Variants in DENND4B observed in about 807,000 individuals in gnomAD.
DENND4B encodes the protein DENN domain-containing protein 4B.
A neutral mutation model predicts 161.0 loss-of-function variants in DENND4B; 67 were observed. The observed-to-expected ratio is 0.42, with a 90% confidence interval of 0.34 to 0.51. The LOEUF (loss-of-function observed/expected upper bound fraction) is 0.51. Ranked by LOEUF, DENND4B falls within the 20% of genes least tolerant of loss-of-function variation. The pLI is 0.08. For synonymous variants in DENND4B, 753 were observed against 813.8 expected (o/e 0.93, Z 1.27); for missense variants, 1,481 against 1,968.0 (o/e 0.75, Z 4.68).
At position 153,932,556 on chromosome 1, in the gene DENND4B, A is replaced by C; in HGVS notation, c.3759+86T>G. The stretch of plus-strand genomic sequence containing the variant: ...GATGCCCCTTGCCCTCAAGGGCAAG[A>C]GATGTGCCCATCTCTCCCTGGCACC... On this transcript the variant is annotated intron_variant, in intron 23 of 27. Coordinates refer to ENST00000361217, the MANE Select transcript of DENND4B (RefSeq NM_014856.3). This position sits in a 1 kb window ranked among gnomAD's most constrained non-coding sequence, Gnocchi z 5.8. 6.4e-7 allele frequency: 1 copy of C among 1,565,364 alleles called. No homozygotes were observed. Among genetic ancestry groups the C allele is most frequent in the Non-Finnish European group, 8.7e-7 (1 of 1,154,040 alleles).
intron 1 of DENND4B, chr1:153,945,205 G>A: frequency 7.8e-7 from 1 of 1,286,030 alleles, no homozygotes; most frequent in Non-Finnish European, 1.0e-6. Context: ...TGCAGAAGCT[G>A]GGAAAAAGCC....
Position 153,940,310 on chromosome 1 carries a change from G to T in DENND4B, c.1503-54C>A. The T allele has an allele frequency of 6.4e-7, 1 of 1,565,538 alleles. No homozygotes were observed. Among genetic ancestry groups the T allele is most frequent in the South Asian group, 1.2e-5 (1 of 84,104 alleles). On this transcript the variant is annotated intron_variant, in intron 10 of 27. Transcript: ENST00000361217. This position sits in a 1 kb window ranked among gnomAD's most constrained non-coding sequence, Gnocchi z 5.6. ...GGCGAGGCTCTGGGATAGGGTGACG[G>T]GGTTCCTTGCCAGCCTCCCTCACTT...
rs976202714 is a variant in DENND4B at position 153,932,605 on chromosome 1, A to G, written c.3759+37T>C. 1.9e-6 allele frequency: 3 copies of G among 1,594,646 alleles called. No individual in the cohort carries two copies. The highest frequency in any genetic ancestry group is 2.6e-6 in the Non-Finnish European group (3 of 1,167,836). On this transcript the variant is annotated intron_variant, in intron 23 of 27. Coordinates refer to ENST00000361217, the MANE Select transcript of DENND4B (RefSeq NM_014856.3). This position sits in a 1 kb window ranked among gnomAD's most constrained non-coding sequence, Gnocchi z 5.8. ...CCCCACAGGCCCCACACAGGGCAAC[A>G]TTCCCGTTCCTCATGCCCCTTTGGC...
intron 13 of DENND4B, 36 bp downstream of exon 13, chr1:153,938,863 AG>A (rs1184603509): frequency 6.4e-7 from 1 of 1,558,366 alleles, no homozygotes; most frequent in South Asian, 1.2e-5. Flanking sequence ...TGAGGGAGAC[AG>A]CAGAGGCCAA....
chr1:153,933,652 C>CG lies in DENND4B; in HGVS notation c.3160dup (p.Arg1054ProfsTer27), dbSNP rs780262431. The stretch of plus-strand genomic sequence containing the variant: ...TTGGAGGCGGGCACCCAGCCCTCGT[C>CG]GGGGGGTGCCTGCCTCATCCTGTCG... On this transcript the variant is annotated frameshift_variant, in exon 20 of 28. Transcript: ENST00000361217. LOFTEE classifies it high-confidence loss of function. This position sits in a 1 kb window ranked among gnomAD's most constrained non-coding sequence, Gnocchi z 5.7. The CG allele has an allele frequency of 2.6e-6, 4 of 1,566,052 alleles. No individual in the cohort carries two copies. The highest frequency in any genetic ancestry group is 2.6e-6 in the Non-Finnish European group (3 of 1,157,688).
At position 153,934,729 on chromosome 1, in the gene DENND4B, C is replaced by T; in HGVS notation, c.2773+31G>A. ...CCCTGCCTGAGCCCAGCTACTCCAT[C>T]CCCAAGCCTGTCTCACCAGGCCCTA... is the stretch of plus-strand genomic sequence containing the variant. On this transcript the variant is annotated intron_variant, in intron 18 of 27. Transcript: ENST00000361217. The surrounding 1 kb of genome is among the most constrained non-coding windows in gnomAD (Gnocchi z 5.3). The T allele has an allele frequency of 1.3e-6, 2 of 1,593,628 alleles. No individual in the cohort carries two copies. The highest frequency in any genetic ancestry group is 1.7e-6 in the Non-Finnish European group (2 of 1,171,398).
At position 153,937,909 on chromosome 1, in the gene DENND4B, G is replaced by T. The variant is rs774453313; in HGVS notation, c.1966-46C>A. 4 of 1,612,722 alleles carry T rather than the reference G, an allele frequency of 2.5e-6. No individual in the cohort carries two copies. The African/African-American group carries it at 5.3e-5, about 22-fold the overall frequency. On this transcript the variant is annotated intron_variant, in intron 13 of 27. Transcript: ENST00000361217. The surrounding 1 kb of genome is among the most constrained non-coding windows in gnomAD (Gnocchi z 4.7). ...AGCAAGTGTTGAGATGGTGGGCATGGAGCAGAGCCAGGGTGTCTAGACGAT... is the reference window on the plus strand; with the variant it reads ...AGCAAGTGTTGAGATGGTGGGCATGTAGCAGAGCCAGGGTGTCTAGACGAT...
chr1:153,942,446 C>T lies in DENND4B; in HGVS notation c.641-90G>A. 4 of 1,567,088 alleles carry T rather than the reference C, an allele frequency of 2.6e-6. No homozygotes were observed. Among genetic ancestry groups the T allele is most frequent in the South Asian group, 1.2e-5 (1 of 86,304 alleles). On this transcript the variant is annotated intron_variant, in intron 4 of 27. Coordinates refer to ENST00000361217, the MANE Select transcript of DENND4B (RefSeq NM_014856.3). This position sits in a 1 kb window ranked among gnomAD's most constrained non-coding sequence, Gnocchi z 6.9. Reference sequence around the variant, plus strand: ...GAACCAAGGGATCCCAGAGAAGGCCCGAGTAGCAAAGAGAAAGTAAACTCT... The same window carrying T: ...GAACCAAGGGATCCCAGAGAAGGCCTGAGTAGCAAAGAGAAAGTAAACTCT...
chr1:153,946,236 C>A lies in DENND4B; in HGVS notation c.-24+65G>T, dbSNP rs1679959631. The A allele has an allele frequency of 3.0e-6, 1 of 330,074 alleles. No homozygotes were observed. Among genetic ancestry groups the A allele is most frequent in the South Asian group, 1.5e-4 (1 of 6,894 alleles). The allele number at this position is 330,074 out of a possible 1,614,324, so 20.4% of individuals were successfully genotyped here. On this transcript the variant is annotated intron_variant, in intron 1 of 27. Transcript: ENST00000361217. The surrounding 1 kb of genome is among the most constrained non-coding windows in gnomAD (Gnocchi z 6.3). ...AGCTGGGGGCCATCCCCCACCCCGCCTGCCGCCCGCGCTCCCTCCTGCCCG... is the reference window on the plus strand; with the variant it reads ...AGCTGGGGGCCATCCCCCACCCCGCATGCCGCCCGCGCTCCCTCCTGCCCG...
At chr1:153,931,458 C>A (rs915161536) in intron 24 of DENND4B, among the ~76,000 whole-genome samples, 9 of 151,476 alleles carry the variant, frequency 5.9e-5, no homozygotes, top group African/African-American at 1.9e-4. Flanking sequence ...GGCAAGGATC[C>A]GAACCAGGTG....
At position 153,940,127 on chromosome 1, in the gene DENND4B, C is replaced by T. The variant is rs369584422; in HGVS notation, c.1603+29G>A. 1 of 1,527,878 alleles carries T rather than the reference C, an allele frequency of 6.5e-7. No homozygotes were observed. Among genetic ancestry groups the T allele is most frequent in the Non-Finnish European group, 8.8e-7 (1 of 1,137,940 alleles). The allele number at this position is 1,527,878 out of a possible 1,614,324, so 94.6% of individuals were successfully genotyped here. On this transcript the variant is annotated intron_variant, in intron 11 of 27. Transcript: ENST00000361217. This position sits in a 1 kb window ranked among gnomAD's most constrained non-coding sequence, Gnocchi z 5.6. The stretch of plus-strand genomic sequence containing the variant: ...GAGGTTTGAGGGCAATGACAGTTCC[C>T]AGCCTCCCTCCCCACCCAGGCTTCT...
In DENND4B at chr1:153,940,711, T is replaced by C. The variant is rs1186625525; in HGVS notation, c.1327-105A>G. ...ATTGGCCTTGGGGAGTTGGTGCCTG[T>C]TGAGAGAGGCTGTTGGAAGTAGGCT... is the stretch of plus-strand genomic sequence containing the variant. On this transcript the variant is annotated intron_variant, in intron 9 of 27. Transcript: ENST00000361217. The surrounding 1 kb of genome is among the most constrained non-coding windows in gnomAD (Gnocchi z 5.6). 8 of 1,485,898 alleles carry C rather than the reference T, an allele frequency of 5.4e-6. No individual in the cohort carries two copies. The East Asian group carries it at 2.0e-4, about 37-fold the overall frequency. 92.0% of individuals were successfully genotyped at this position (1,485,898 alleles called of 1,614,324 possible).
At chr1:153,931,115 G>A in intron 24 of DENND4B, 51 bp from the exon 25 acceptor site, 1 of 1,460,956 alleles carries the variant, frequency 6.8e-7, no homozygotes. Context: ...ATGGGAGGCA[G>A]AGGACAAGAA....
rs1439942092 is a variant in DENND4B at position 153,933,663 on chromosome 1, T to C, written c.3150A>G (p.Ala1050=). Residue 1050 remains alanine (A), a synonymous_variant, in exon 20 of 28, where the codon GCA becomes GCG. Transcript: ENST00000361217. This position sits in a 1 kb window ranked among gnomAD's most constrained non-coding sequence, Gnocchi z 5.7. ...CACCCAGCCCTCGTCGGGGGGTGCC[T>C]GCCTCATCCTGTCGCCCACCAGCCT... ...GPKAGGRQDE[A]GTPRRGLGAR... The C allele has an allele frequency of 2.7e-5, 43 of 1,567,956 alleles. No individual in the cohort carries two copies. The highest frequency in any genetic ancestry group is 3.6e-5 in the Non-Finnish European group (42 of 1,158,472).
chr1:153,930,623 G>C lies in DENND4B; in HGVS notation c.4281-20C>G. On this transcript the variant is annotated intron_variant, in intron 26 of 27. Transcript: ENST00000361217. The surrounding 1 kb of genome is among the most constrained non-coding windows in gnomAD (Gnocchi z 4.7). ...ATTCCCCTTTAGTGGAGGCAGAAGT[G>C]TATGAGTGAGAGAAAAGGGGTGTGG... is the stretch of plus-strand genomic sequence containing the variant. 6.2e-7 allele frequency: 1 copy of C among 1,613,936 alleles called. No homozygotes were observed. The highest frequency in any genetic ancestry group is 1.7e-4 in the Middle Eastern group (1 of 6,060).
Position 153,937,517 on chromosome 1 carries a change from T to C in DENND4B, c.2203A>G (p.Ser735Gly), listed in dbSNP as rs1679417400. Residue 735 changes from serine to glycine, a missense_variant, in exon 15 of 28, where the codon AGC becomes GGC. Coordinates refer to ENST00000361217, the MANE Select transcript of DENND4B (RefSeq NM_014856.3). The surrounding 1 kb of genome is among the most constrained non-coding windows in gnomAD (Gnocchi z 4.7). ...PVPGPSRSAP[S>G]SPAPRRTKQE... ...TTGGTACGGCGAGGAGCAGGACTGC[T>C]GGGGGCGCTACGGGAAGGGCCTGGC... is the stretch of plus-strand genomic sequence containing the variant. The C allele has an allele frequency of 6.3e-7, 1 of 1,588,550 alleles. No homozygotes were observed. The highest frequency in any genetic ancestry group is 1.1e-5 in the South Asian group (1 of 88,750).
intron 6 of DENND4B, 94 bp downstream of exon 6, chr1:153,941,775 G>GGGGGGGCCCCCCC: frequency 1.5e-6 from 2 of 1,338,174 alleles, no homozygotes; most frequent in Non-Finnish European, 2.1e-6. Flanking sequence ...CCTGTGCCCA[G>GGGGGGGCCCCCCC]CCCTCCCCCC....
In DENND4B at chr1:153,940,325, C is replaced by T; in HGVS notation, c.1503-69G>A. 1 of 1,561,718 alleles carries T rather than the reference C, an allele frequency of 6.4e-7. No individual in the cohort carries two copies. Among genetic ancestry groups the T allele is most frequent in the East Asian group, 2.3e-5 (1 of 44,072 alleles). On this transcript the variant is annotated intron_variant, in intron 10 of 27. Coordinates refer to ENST00000361217, the MANE Select transcript of DENND4B (RefSeq NM_014856.3). This position sits in a 1 kb window ranked among gnomAD's most constrained non-coding sequence, Gnocchi z 5.6. ...TAGGGTGACGGGGTTCCTTGCCAGC[C>T]TCCCTCACTTTGTGCCTGAAGCTCT... is the stretch of plus-strand genomic sequence containing the variant.
In DENND4B at chr1:153,940,066, A is replaced by G. The variant is rs1679579080; in HGVS notation, c.1603+90T>C. Reference sequence around the variant, plus strand: ...AATCCTAACTTCACTCACCTCCTTAAGAAATGTCTAGCTCCCCACAGACCT... The same window carrying G: ...AATCCTAACTTCACTCACCTCCTTAGGAAATGTCTAGCTCCCCACAGACCT... On this transcript the variant is annotated intron_variant, in intron 11 of 27. Transcript: ENST00000361217. The surrounding 1 kb of genome is among the most constrained non-coding windows in gnomAD (Gnocchi z 5.6). 3.4e-6 allele frequency: 4 copies of G among 1,176,416 alleles called. No homozygotes were observed. Among genetic ancestry groups the G allele is most frequent in the Non-Finnish European group, 3.6e-6 (3 of 844,480 alleles). The allele number at this position is 1,176,416 out of a possible 1,614,324, so 72.9% of individuals were successfully genotyped here. A position where few individuals can be genotyped will look rare whatever the true frequency, so the allele number is the denominator to read the frequency against.
Sources: allele counts gnomAD v4.1 joint callset (sites outside exome capture counted in the v4.1 genomes callset), GRCh38; gene constraint gnomAD v4.1.1; non-coding constraint Gnocchi (gnomAD v3.1); transcripts MANE v1.5; gene names NCBI Gene and HGNC (gene_info 2026-07-23, HGNC 2026-07-21).